MIPOL1: variants seen among roughly 807,000 people sequenced by gnomAD.
MIPOL1 encodes the protein mirror-image polydactyly 1.
In MIPOL1, 57 loss-of-function variants were observed where a neutral mutation model predicts 60.9. The observed-to-expected ratio is 0.94, with a 90% CI of 0.76 to 1.17. The LOEUF (loss-of-function observed/expected upper bound fraction) is 1.17. Ranked by LOEUF, MIPOL1 falls within the 50% of genes most tolerant of loss-of-function variation. MIPOL1 has a pLI of 0.00. For synonymous variants in MIPOL1, 179 were observed against 168.8 expected (o/e 1.06, Z -0.47); for missense variants, 551 against 511.6 (o/e 1.08, Z -0.74).
At chr14:37,398,672 T>C (rs1368705280) in intron 10 of MIPOL1, among the ~76,000 whole-genome samples, 7 of 152,184 alleles carry the variant, frequency 4.6e-5, no homozygotes, top group Non-Finnish European at 8.8e-5. Context: ...AAACTTATAA[T>C]ATGAAAACCA....
chr14:37,271,816 T>G (rs935752562), intron 6 of MIPOL1, among the ~76,000 whole-genome samples: 2 of 151,838 alleles, frequency 1.3e-5, no homozygotes, highest in African/African-American at 4.8e-5. Flanking sequence ...AATGTTAACT[T>G]TGCATATGTC....
chr14:37,248,015 T>G, intron 3 of MIPOL1, 108 bp downstream of exon 3: 1 of 1,044,790 alleles, frequency 9.6e-7, no homozygotes, highest in Non-Finnish European at 1.4e-6. Flanking sequence ...GGTAGACAAG[T>G]GCGCACACAC....
chr14:37,266,899 G>A, intron 3 of MIPOL1, 39 bp from the exon 4 acceptor site: 3 of 1,354,404 alleles, frequency 2.2e-6, no homozygotes, highest in East Asian at 2.4e-5. Context: ...CAGTTATGGT[G>A]TTTAATATAT....
At chr14:37,419,730 G>C (rs1231224266) in intron 10 of MIPOL1, among the ~76,000 whole-genome samples, 1 of 151,812 alleles carries the variant, frequency 6.6e-6, no homozygotes, top group Non-Finnish European at 1.5e-5. Context: ...ACGTGGAATG[G>C]GGTAGGGGAT....
At chr14:37,521,813 G>A (rs2095414528) in intron 12 of MIPOL1, among the ~76,000 whole-genome samples, 1 of 150,742 alleles carries the variant, frequency 6.6e-6, no homozygotes, top group African/African-American at 2.4e-5. Flanking sequence ...AACCCAGAAG[G>A]CAGAGGTTGC....
chr14:37,450,649 T>G (rs1433210808), intron 11 of MIPOL1, among the ~76,000 whole-genome samples: 1 of 152,130 alleles, frequency 6.6e-6, no homozygotes, highest in East Asian at 1.9e-4. Flanking sequence ...CTTTCATCTC[T>G]GAGAAATTTT....
At chr14:37,541,460 G>A (rs2095529345) in intron 12 of MIPOL1, among the ~76,000 whole-genome samples, 1 of 152,142 alleles carries the variant, frequency 6.6e-6, no homozygotes, top group South Asian at 2.1e-4. Context: ...TACCCCCAAA[G>A]TATAGAGCTG....
At chr14:37,488,853 C>G (rs1668561642) in intron 11 of MIPOL1, among the ~76,000 whole-genome samples, 1 of 152,102 alleles carries the variant, frequency 6.6e-6, no homozygotes, top group Non-Finnish European at 1.5e-5. Flanking sequence ...TGACCTTTCT[C>G]TCTGGGTGCC....
intron 9 of MIPOL1, among the ~76,000 whole-genome samples, chr14:37,365,939 GTTGT>G (rs1356873311): frequency 1.3e-5 from 2 of 151,990 alleles, no homozygotes; most frequent in African/African-American, 4.8e-5. Context: ...ATCTCAGTAG[GTTGT>G]TTGTGTCTAG....
rs2095557630 is a variant in MIPOL1, at chr14:37,549,901, A to AG, written c.*2931dup. The AG allele has an allele frequency of 6.6e-6, 1 of 151,970 alleles. No individual in the cohort carries two copies. The highest frequency in any genetic ancestry group is 1.5e-5 in the Non-Finnish European group (1 of 67,830). 9.4% of individuals were successfully genotyped at this position (151,970 alleles called of 1,614,324 possible). ...ATTTGGCCTGATGCTAAAACCTATC[A>AG]GCTTAGTTTTTTAACATGGTAGTCT... On this transcript the variant is annotated 3_prime_UTR_variant, in exon 13 of 13. Transcript: ENST00000684589.
intron 10 of MIPOL1, 86 bp downstream of exon 10, chr14:37,369,710 A>G (rs2092586714): frequency 1.1e-6 from 1 of 939,482 alleles, no homozygotes; most frequent in Non-Finnish European, 1.6e-6. Context: ...AGTTGTGTAC[A>G]TTTCAGCAGA....
At chr14:37,491,798 T>G (rs2095051731) in intron 11 of MIPOL1, among the ~76,000 whole-genome samples, 1 of 152,190 alleles carries the variant, frequency 6.6e-6, no homozygotes, top group South Asian at 2.1e-4. Flanking sequence ...TAGCAGGTTA[T>G]TTTATTAAAC....
At position 37,318,352 on chromosome 14, in the gene MIPOL1, G is replaced by A. The variant is rs148669839; in HGVS notation, c.828+9833G>A. Reference sequence around the variant, plus strand: ...GAAATTTGACAAAAAGGTTATACTCGAAAGGAAAATAAAGCATAACATTTA... The same window carrying A: ...GAAATTTGACAAAAAGGTTATACTCAAAAGGAAAATAAAGCATAACATTTA... On this transcript the variant is annotated intron_variant, in intron 9 of 12. Transcript: ENST00000684589. Among the ~76,000 whole-genome samples, 478 of 152,200 alleles carry A rather than the reference G, an allele frequency of 3.1e-3. 2 individuals are homozygous for A. Among genetic ancestry groups the A allele is most frequent in the Non-Finnish European group, 5.1e-3 (344 of 68,004 alleles).
chr14:37,337,348 ATATATATATTTTTTTTT>A (rs2090216273), intron 9 of MIPOL1, among the ~76,000 whole-genome samples: 1 of 33,654 alleles, frequency 3.0e-5, no homozygotes, highest in Non-Finnish European at 4.8e-5. Flanking sequence ...ATATATATAT[ATATATATATTTTTTTTT>A]TTTTTTTTTT....
intron 3 of MIPOL1, 81 bp downstream of exon 3, chr14:37,247,988 C>G (rs1973442210): frequency 6.9e-7 from 1 of 1,442,434 alleles, no homozygotes; most frequent in Non-Finnish European, 9.7e-7. Flanking sequence ...TTTGTTCTAA[C>G]CAATATATTA....
intron 9 of MIPOL1, among the ~76,000 whole-genome samples, chr14:37,350,535 C>T (rs2091279693): frequency 1.3e-5 from 2 of 151,940 alleles, no homozygotes; most frequent in African/African-American, 4.8e-5. Context: ...ATGCAATAAT[C>T]TTGGGGTATC....
At chr14:37,511,077 CAG>C (rs755313443) in intron 12 of MIPOL1, among the ~76,000 whole-genome samples, 44 of 152,096 alleles carry the variant, frequency 2.9e-4, no homozygotes, top group Middle Eastern at 3.4e-3. Flanking sequence ...TATTTTCTTC[CAG>C]AGTCATAAAA....
intron 12 of MIPOL1, among the ~76,000 whole-genome samples, chr14:37,509,502 A>G (rs1355939573): frequency 1.3e-5 from 2 of 151,848 alleles, no homozygotes; most frequent in Admixed American, 6.6e-5. Context: ...GAATTATAGA[A>G]CAGGATAGAT....
chr14:37,246,272 A>G (rs1973185281), intron 1 of MIPOL1, among the ~76,000 whole-genome samples: 2 of 152,156 alleles, frequency 1.3e-5, no homozygotes, highest in Admixed American at 1.3e-4. Context: ...GCAGTCTGCC[A>G]TAAGCATTAT....
Sources: allele counts gnomAD v4.1 joint callset (sites outside exome capture counted in the v4.1 genomes callset), GRCh38; gene constraint gnomAD v4.1.1; transcripts MANE v1.5; gene names NCBI Gene and HGNC (gene_info 2026-07-23, HGNC 2026-07-21).